The following CDKN2B-AS1 variants were observed in gnomAD, a reference collection of about 807,000 sequenced individuals.
CDKN2B-AS1 encodes CDKN2B antisense RNA 1 (non-protein coding).
chr9:22,051,217 C>T (rs1823330250), intron 3 of CDKN2B-AS1, among the ~76,000 whole-genome samples: 1 of 152,130 alleles, frequency 6.6e-6, no homozygotes, highest in Admixed American at 6.6e-5. Flanking sequence ...CATTTTGTTG[C>T]TTCTGCTACC....
chr9:22,062,515 C>G lies in CDKN2B-AS1; in HGVS notation n.438+6128C>G, dbSNP rs541396146. Among the ~76,000 whole-genome samples, 6 of 152,258 alleles carry G rather than the reference C, an allele frequency of 3.9e-5. No individual in the cohort carries two copies. In the South Asian group the frequency reaches 1.0e-3, roughly 26 times the overall value. On this transcript the variant is annotated intron_variant and non_coding_transcript_variant, in intron 4 of 4. Coordinates refer to ENST00000650946, the Ensembl canonical transcript of CDKN2B-AS1. ...TTTCTTTTAGAGCCAGGGCTGTGGG[C>G]TGTGTCACTTGTGACTTGGCAGCCC...
chr9:22,119,405 T>C (rs1248992950), intron 4 of CDKN2B-AS1: 1 of 152,164 alleles, frequency 6.6e-6, no homozygotes, highest in Non-Finnish European at 1.5e-5. Context: ...TTTTTAGCAA[T>C]GTATATTATG....
intron 4 of CDKN2B-AS1, among the ~76,000 whole-genome samples, chr9:22,083,995 C>A (rs72652409): frequency 0.035 from 5,327 of 152,274 alleles, 134 homozygotes; most frequent in Non-Finnish European, 0.055. Flanking sequence ...CTCTTTCTGA[C>A]CATTGATTGA....
intron 4 of CDKN2B-AS1, among the ~76,000 whole-genome samples, chr9:22,101,043 C>G (rs1825464102): frequency 6.6e-6 from 1 of 152,160 alleles, no homozygotes; most frequent in Non-Finnish European, 1.5e-5. Context: ...GTATTTTTAA[C>G]TTTAATTTGA....
rs1554672640 is a variant in CDKN2B-AS1 at position 22,062,972 on chromosome 9, G to GACAGACAC, written n.438+6589_438+6596dup. On this transcript the variant is annotated intron_variant and non_coding_transcript_variant, in intron 4 of 4. Coordinates refer to ENST00000650946, the Ensembl canonical transcript of CDKN2B-AS1. Reference sequence around the variant, plus strand: ...AAGTGACTTGTGTGTGTGTGTGAAAGACAGACACACACACATATATATATA... The same window carrying GACAGACAC: ...AAGTGACTTGTGTGTGTGTGTGAAAGACAGACACACAGACACACACACATATATATATA... Among the ~76,000 whole-genome samples the GACAGACAC allele has an allele frequency of 6.1e-4, 29 of 47,582 alleles. No individual in the cohort carries two copies. In the African/African-American group the frequency reaches 7.3e-3, roughly 12 times the overall value. The allele number at this position is 47,582 out of a possible 152,430, so 31.2% of individuals were successfully genotyped here.
At chr9:21,998,481 G>A (rs1820783003) in intron 1 of CDKN2B-AS1, among the ~76,000 whole-genome samples, 1 of 152,170 alleles carries the variant, frequency 6.6e-6, no homozygotes, top group Non-Finnish European at 1.5e-5. Context: ...GCAGGCCTTT[G>A]GGTTACAAGC....
At chr9:22,090,596 T>C (rs1825044859) in intron 4 of CDKN2B-AS1, among the ~76,000 whole-genome samples, 1 of 152,224 alleles carries the variant, frequency 6.6e-6, no homozygotes, top group Non-Finnish European at 1.5e-5. Context: ...GAGCAATTTT[T>C]CATGTGTCTT....
At chr9:22,093,597 T>G (rs2131345476) in intron 4 of CDKN2B-AS1, among the ~76,000 whole-genome samples, 1 of 133,982 alleles carries the variant, frequency 7.5e-6, no homozygotes, top group East Asian at 2.1e-4. Context: ...CTCTTTTGAT[T>G]TTGTTGGTTT....
intron 4 of CDKN2B-AS1, among the ~76,000 whole-genome samples, chr9:22,122,664 A>G (rs1281839501): frequency 6.6e-6 from 1 of 152,160 alleles, no homozygotes; most frequent in Admixed American, 6.5e-5. Flanking sequence ...TCCTTTACCC[A>G]CTGAGTGTTC....
chr9:22,046,797 GA>G (rs1331886013), exon 2 of CDKN2B-AS1: 1 of 152,108 alleles, frequency 6.6e-6, no homozygotes, highest in Non-Finnish European at 1.5e-5. Context: ...TTCAACAGCA[GA>G]GATCAAAGAA....
chr9:22,028,253 A>G (rs915660818), intron 1 of CDKN2B-AS1, among the ~76,000 whole-genome samples: 1 of 152,160 alleles, frequency 6.6e-6, no homozygotes, highest in African/African-American at 2.4e-5. Flanking sequence ...ATATGAGTGA[A>G]TCAATAATAA....
chr9:22,008,608 G>T, intron 1 of CDKN2B-AS1: 2 of 1,530,204 alleles, frequency 1.3e-6, no homozygotes, highest in African/African-American at 1.4e-5. Flanking sequence ...TTAAACAGTG[G>T]GTTTTTCAAT....
intron 4 of CDKN2B-AS1, among the ~76,000 whole-genome samples, chr9:22,069,309 T>C (rs1375152298): frequency 6.6e-6 from 1 of 150,878 alleles, no homozygotes; most frequent in East Asian, 2.0e-4. Context: ...AGGAATATTA[T>C]GATTAGCTAA....
At chr9:22,016,985 C>G (rs1821792219) in intron 1 of CDKN2B-AS1, among the ~76,000 whole-genome samples, 2 of 152,286 alleles carry the variant, frequency 1.3e-5, no homozygotes, top group South Asian at 2.1e-4. Context: ...ATCTTTTTGA[C>G]ATGGAACTAT....
At chr9:22,032,152 T>TG (rs1822502231) in intron 1 of CDKN2B-AS1, among the ~76,000 whole-genome samples, 3 of 152,132 alleles carry the variant, frequency 2.0e-5, no homozygotes, top group Admixed American at 1.3e-4. Flanking sequence ...GAGGTTTTTT[T>TG]TGGGGGGAGA....
At chr9:22,016,480 G>A (rs1318766406) in intron 1 of CDKN2B-AS1, among the ~76,000 whole-genome samples, 6 of 152,142 alleles carry the variant, frequency 3.9e-5, no homozygotes, top group East Asian at 1.9e-4. Context: ...AAAGGAGCCC[G>A]CATTGCCAAG....
rs187104232 is a variant in CDKN2B-AS1, at chr9:22,078,051, C to T, written n.438+21664C>T. The stretch of plus-strand genomic sequence containing the variant: ...ATCTCCAAGCCCTGAAACTTTTTTT[C>T]TCCCTCAAACATGACTTCAACTTTA... On this transcript the variant is annotated intron_variant and non_coding_transcript_variant, in intron 4 of 4. Coordinates refer to ENST00000650946, the Ensembl canonical transcript of CDKN2B-AS1. Among the ~76,000 whole-genome samples the T allele has an allele frequency of 9.3e-4, 141 of 152,150 alleles. 1 individual carries two copies. Among genetic ancestry groups the T allele is most frequent in the African/African-American group, 3.2e-3 (134 of 41,504 alleles).
Position 22,006,701 on chromosome 9 carries a change from G to C in CDKN2B-AS1, n.29+11540G>C, listed in dbSNP as rs1821207544. On this transcript the variant is annotated intron_variant and non_coding_transcript_variant, in intron 1 of 4. Coordinates refer to ENST00000650946, the Ensembl canonical transcript of CDKN2B-AS1. The surrounding 1 kb of genome is among the most constrained non-coding windows in gnomAD (Gnocchi z 6.4). The stretch of plus-strand genomic sequence containing the variant: ...TTAGGTAGTCAACTACTGTTTGTTA[G>C]AAGTTGGGAGTAATGGTTTAGGGGA... Among the ~76,000 whole-genome samples the C allele has an allele frequency of 6.6e-6, 1 of 151,936 alleles. No homozygotes were observed. Among genetic ancestry groups the C allele is most frequent in the Non-Finnish European group, 1.5e-5 (1 of 67,986 alleles).
At chr9:22,048,757 G>C (rs2131277343) in intron 2 of CDKN2B-AS1, among the ~76,000 whole-genome samples, 1 of 152,252 alleles carries the variant, frequency 6.6e-6, no homozygotes, top group Non-Finnish European at 1.5e-5. Context: ...GGAGGTTAAG[G>C]AGGGATAGCT....
Sources: gnomAD v4.1 joint callset for allele counts (sites outside exome capture counted in the v4.1 genomes callset) on GRCh38, gnomAD v4.1.1 for gene constraint, Gnocchi (gnomAD v3.1) non-coding constraint, MANE v1.5 for transcripts, NCBI Gene and HGNC (gene_info 2026-07-23, HGNC 2026-07-21) for gene names.